LHFPL3: variants seen among roughly 807,000 people sequenced by gnomAD.
LHFPL3 encodes the protein LHFPL tetraspan subfamily member 3 protein.
Under a neutral mutation model 19.3 loss-of-function variants are expected in LHFPL3, and 5 were observed. The ratio of observed to expected loss-of-function variants is 0.26; its 90% CI spans 0.14 to 0.54. LHFPL3 has a LOEUF of 0.54. LHFPL3 is among the 20% of genes least tolerant of loss of function. The pLI, the probability that LHFPL3 is intolerant of heterozygous loss-of-function variation, is 0.94. For synonymous variants in LHFPL3, 133 were observed against 126.2 expected, an observed-to-expected ratio of 1.05 and a Z score of -0.36; for missense variants, 249 against 307.4, an observed-to-expected ratio of 0.81 and a Z score of 1.42.
At chr7:104,338,946 C>T (rs1322552614) in intron 1 of LHFPL3, among the ~76,000 whole-genome samples, 3 of 152,106 alleles carry the variant, frequency 2.0e-5, no homozygotes, top group South Asian at 4.1e-4. Context: ...TTCTCATTTT[C>T]TTGATTAAGA....
chr7:104,448,885 C>T (rs1244349192), intron 1 of LHFPL3, among the ~76,000 whole-genome samples: 1 of 152,144 alleles, frequency 6.6e-6, no homozygotes, highest in Non-Finnish European at 1.5e-5. Context: ...AATTGTAAAA[C>T]CCATTCAAGA....
At chr7:104,372,820 CG>C (rs1204740598) in intron 1 of LHFPL3, among the ~76,000 whole-genome samples, 1 of 151,986 alleles carries the variant, frequency 6.6e-6, no homozygotes, top group Non-Finnish European at 1.5e-5. Context: ...CTGTGTTATT[CG>C]TTGGTTTGCT....
chr7:104,555,422 A>G (rs1296184882), intron 1 of LHFPL3, among the ~76,000 whole-genome samples: 2 of 152,204 alleles, frequency 1.3e-5, no homozygotes, highest in Non-Finnish European at 2.9e-5. Flanking sequence ...GCAGAAGGCA[A>G]GGAGGAGCAA....
At chr7:104,421,894 A>G (rs187493340) in intron 1 of LHFPL3, among the ~76,000 whole-genome samples, 135 of 152,308 alleles carry the variant, frequency 8.9e-4, no homozygotes, top group African/African-American at 2.8e-3. Flanking sequence ...TGGAGCCCTC[A>G]TGAATGGGAT....
intron 1 of LHFPL3, among the ~76,000 whole-genome samples, chr7:104,720,359 T>C (rs1229062019): frequency 6.6e-6 from 1 of 151,956 alleles, no homozygotes; most frequent in African/African-American, 2.4e-5. Context: ...TGAAACTGAA[T>C]CCCTTCCTTA....
intron 1 of LHFPL3, among the ~76,000 whole-genome samples, chr7:104,592,420 C>A (rs1041795046): frequency 6.6e-6 from 1 of 151,458 alleles, no homozygotes; most frequent in African/African-American, 2.4e-5. Flanking sequence ...GTATCACCAG[C>A]GGAGGCTGCA....
chr7:104,852,325 C>T (rs947273493), intron 2 of LHFPL3, among the ~76,000 whole-genome samples: 3 of 152,260 alleles, frequency 2.0e-5, no homozygotes, highest in Non-Finnish European at 4.4e-5. Flanking sequence ...TAAACTTACT[C>T]AGTGTCCAGA....
chr7:104,439,383 G>GA (rs34687716), intron 1 of LHFPL3, among the ~76,000 whole-genome samples: 58,447 of 151,736 alleles, frequency 0.39, 13,487 homozygotes, highest in African/African-American at 0.63. Flanking sequence ...CATAAACATA[G>GA]AAAAAAATCC....
rs1165637462 is a variant in LHFPL3, at chr7:104,718,803, T to A, written c.446-17872T>A. Among the ~76,000 whole-genome samples the A allele has an allele frequency of 3.3e-5, 5 of 152,066 alleles. No individual in the cohort carries two copies. In the East Asian group the frequency reaches 9.6e-4, roughly 29 times the overall value. ...AATAATCTGGACCCAGGCTCCCTGTTTTACAAATAAAGTAACTATGGCACA... is the reference window on the plus strand; with the variant it reads ...AATAATCTGGACCCAGGCTCCCTGTATTACAAATAAAGTAACTATGGCACA... On this transcript the variant is annotated intron_variant, in intron 1 of 2. Transcript: ENST00000424859.
Position 104,566,273 on chromosome 7 carries a change from C to A in LHFPL3, c.446-170402C>A, listed in dbSNP as rs534504127. 3.3e-5 allele frequency among the ~76,000 whole-genome samples: 5 copies of A among 152,224 alleles called. No homozygotes were observed. In the East Asian group the frequency reaches 9.7e-4, roughly 29 times the overall value. ...GGCTGAGGTAAGAAGATTGCTTGAG[C>A]CCAGGAGGGTGAGGCTGCAGTGAGT... is the stretch of plus-strand genomic sequence containing the variant. On this transcript the variant is annotated intron_variant, in intron 1 of 2. Coordinates refer to ENST00000424859, the MANE Select transcript of LHFPL3 (RefSeq NM_199000.3).
intron 1 of LHFPL3, among the ~76,000 whole-genome samples, chr7:104,573,092 T>C (rs1180234186): frequency 6.6e-6 from 1 of 152,146 alleles, no homozygotes; most frequent in Non-Finnish European, 1.5e-5. Context: ...AATCGATTCA[T>C]TTGGGGAGGG....
chr7:104,523,263 T>A (rs1398563267), intron 1 of LHFPL3, among the ~76,000 whole-genome samples: 1 of 152,088 alleles, frequency 6.6e-6, no homozygotes, highest in Non-Finnish European at 1.5e-5. Flanking sequence ...ATAAATAAAT[T>A]ATTTCTAACT....
At chr7:104,881,520 T>C (rs566500644) in intron 2 of LHFPL3, among the ~76,000 whole-genome samples, 3 of 152,176 alleles carry the variant, frequency 2.0e-5, no homozygotes, top group Non-Finnish European at 4.4e-5. Context: ...TGGGACTGAA[T>C]TGCTGCCATC....
intron 1 of LHFPL3, among the ~76,000 whole-genome samples, chr7:104,623,278 A>G (rs1791482515): frequency 6.6e-6 from 1 of 151,554 alleles, no homozygotes; most frequent in African/African-American, 2.4e-5. Flanking sequence ...GCTATGTACC[A>G]TTTGAAAAAA....
chr7:104,624,318 G>T (rs573981637), intron 1 of LHFPL3, among the ~76,000 whole-genome samples: 2 of 152,184 alleles, frequency 1.3e-5, no homozygotes, highest in African/African-American at 2.4e-5. Context: ...AGAATCAGAG[G>T]CTTCCTCTAA....
intron 1 of LHFPL3, among the ~76,000 whole-genome samples, chr7:104,539,432 G>A (rs892788304): frequency 3.1e-4 from 47 of 152,242 alleles, no homozygotes; most frequent in African/African-American, 1.1e-3. Flanking sequence ...GTGGGGAGAA[G>A]GATTACCTCT....
intron 1 of LHFPL3, among the ~76,000 whole-genome samples, chr7:104,734,991 C>A (rs1049575090): frequency 2.6e-5 from 4 of 152,100 alleles, no homozygotes; most frequent in East Asian, 1.9e-4. Flanking sequence ...CACTCCAGAC[C>A]CTGTTTGCCT....
chr7:104,512,336 G>A (rs1047314251), intron 1 of LHFPL3, among the ~76,000 whole-genome samples: 1 of 151,924 alleles, frequency 6.6e-6, no homozygotes, highest in African/African-American at 2.4e-5. Context: ...ATATTTTTTT[G>A]TGTTACTACC....
chr7:104,576,912 C>T (rs67623980), intron 1 of LHFPL3, among the ~76,000 whole-genome samples: 32,224 of 152,116 alleles, frequency 0.21, 3,592 homozygotes, highest in African/African-American at 0.23. Context: ...CAGTCTCTCA[C>T]TGGGTCCTTG....
Sources: allele counts gnomAD v4.1 joint callset (sites outside exome capture counted in the v4.1 genomes callset), GRCh38; gene constraint gnomAD v4.1.1; transcripts MANE v1.5; gene names NCBI Gene and HGNC (gene_info 2026-07-23, HGNC 2026-07-21).